Variants in PPFIBP1 observed in about 807,000 individuals in gnomAD.
PPFIBP1 encodes the protein liprin-beta-1.
In PPFIBP1, 112 loss-of-function variants were observed where a neutral mutation model predicts 137.8. The ratio of observed to expected loss-of-function variants is 0.81; its 90% CI spans 0.70 to 0.95. The LOEUF is 0.95. PPFIBP1 is among the 40% of genes least tolerant of loss of function. The pLI is 0.00. For missense variants in PPFIBP1, 1,083 were observed against 1,196.6 expected (o/e 0.91, Z 1.40); for synonymous variants, 378 against 417.3 (o/e 0.91, Z 1.15).
At chr12:27,563,868 C>CCT (rs2049394734) in intron 1 of PPFIBP1, among the ~76,000 whole-genome samples, 1 of 129,424 alleles carries the variant, frequency 7.7e-6, no homozygotes, top group Admixed American at 7.8e-5. Context: ...TAAACACTTC[C>CCT]CTTTTTTTTT....
intron 2 of PPFIBP1, among the ~76,000 whole-genome samples, chr12:27,595,072 A>C (rs914479864): frequency 2.6e-5 from 4 of 152,216 alleles, no homozygotes; most frequent in Non-Finnish European, 4.4e-5. Flanking sequence ...TAATGGACCA[A>C]ACATCACAAA....
At chr12:27,670,043 T>G (rs1431442951) in intron 13 of PPFIBP1, among the ~76,000 whole-genome samples, 1 of 152,150 alleles carries the variant, frequency 6.6e-6, no homozygotes. Context: ...GGTGTGAGTC[T>G]TTATCAGGCA....
At chr12:27,620,146 C>G (rs2056194747) in intron 2 of PPFIBP1, among the ~76,000 whole-genome samples, 1 of 152,116 alleles carries the variant, frequency 6.6e-6, no homozygotes, top group African/African-American at 2.4e-5. Flanking sequence ...CTCTGTCACC[C>G]CTGCAGTGTG....
At position 27,646,140 on chromosome 12, in the gene PPFIBP1, GT is replaced by G; in HGVS notation, c.351del (p.Leu118PhefsTer3). 6.2e-7 allele frequency: 1 copy of G among 1,604,440 alleles called. No homozygotes were observed. Among genetic ancestry groups the G allele is most frequent in the Non-Finnish European group, 8.5e-7 (1 of 1,171,594 alleles). ...TTTAGAAAATGATAAAGAATCCCTC[GT>G]TCTTCAGGCAAGTGATTTTTAAATA... Reference protein sequence around the residue: ...ARLENDKESLVLQVSVLTDQV... With the variant: ...ARLENDKESLXLQVSVLTDQV... On this transcript the variant is annotated frameshift_variant, in exon 5 of 30. Coordinates refer to ENST00000228425, the MANE Select transcript of PPFIBP1 (RefSeq NM_003622.4). LOFTEE classifies it high-confidence loss of function.
intron 7 of PPFIBP1, among the ~76,000 whole-genome samples, chr12:27,653,543 C>T (rs531857269): frequency 1.5e-5 from 2 of 135,958 alleles, no homozygotes; most frequent in South Asian, 2.5e-4. Context: ...GCTGAGATGG[C>T]GGCACTGCAC....
At chr12:27,684,034 A>C (rs2061045944) in intron 24 of PPFIBP1, among the ~76,000 whole-genome samples, 2 of 151,290 alleles carry the variant, frequency 1.3e-5, no homozygotes, top group Admixed American at 6.6e-5. Context: ...TTATCCACCC[A>C]CCTTGGCCTC....
intron 1 of PPFIBP1, among the ~76,000 whole-genome samples, chr12:27,539,872 T>C (rs1430490583): frequency 6.6e-6 from 1 of 152,180 alleles, no homozygotes; most frequent in Non-Finnish European, 1.5e-5. Flanking sequence ...TTCCTATATT[T>C]TTTCCATAGA....
At chr12:27,688,475 G>C in intron 26 of PPFIBP1, 52 bp downstream of exon 26, 1 of 1,594,654 alleles carries the variant, frequency 6.3e-7, no homozygotes. Flanking sequence ...CTTTAGTCTA[G>C]TCAGTAGGAT....
intron 8 of PPFIBP1, chr12:27,655,251 G>C (rs2059124873): frequency 6.8e-7 from 1 of 1,474,372 alleles, no homozygotes; most frequent in Non-Finnish European, 9.2e-7. Context: ...GTAGACGTTG[G>C]GTGATGGGGT....
rs563335932 is a variant in PPFIBP1 at position 27,600,473 on chromosome 12, A to G, written c.-36+22234A>G. 5.3e-5 allele frequency among the ~76,000 whole-genome samples: 8 copies of G among 152,196 alleles called. No homozygotes were observed. The East Asian group carries it at 1.4e-3, about 26-fold the overall frequency. Reference sequence around the variant, plus strand: ...AAAATAGTTAGAAGAATACATTAACATACAGAAAATGATATGACAAACGCC... The same window carrying G: ...AAAATAGTTAGAAGAATACATTAACGTACAGAAAATGATATGACAAACGCC... On this transcript the variant is annotated intron_variant, in intron 2 of 29. Coordinates refer to ENST00000228425, the MANE Select transcript of PPFIBP1 (RefSeq NM_003622.4).
At chr12:27,662,176 A>G (rs1345648618) in intron 11 of PPFIBP1, among the ~76,000 whole-genome samples, 2 of 152,180 alleles carry the variant, frequency 1.3e-5, no homozygotes, top group African/African-American at 4.8e-5. Flanking sequence ...AGAGTTGTTC[A>G]TCAGGAAAAT....
At chr12:27,685,592 A>G (rs1425969276) in intron 24 of PPFIBP1, among the ~76,000 whole-genome samples, 1 of 152,164 alleles carries the variant, frequency 6.6e-6, no homozygotes, top group Non-Finnish European at 1.5e-5. Context: ...TGAAATGGCT[A>G]TAAAAGAGTA....
At chr12:27,535,899 G>A (rs575982119) in intron 1 of PPFIBP1, among the ~76,000 whole-genome samples, 1 of 152,216 alleles carries the variant, frequency 6.6e-6, no homozygotes, top group Admixed American at 6.5e-5. Context: ...AAGACTGAAA[G>A]GAGAAGCAAC....
chr12:27,573,470 A>G (rs1185989507), intron 1 of PPFIBP1, among the ~76,000 whole-genome samples: 2 of 152,170 alleles, frequency 1.3e-5, no homozygotes, highest in African/African-American at 2.4e-5. Flanking sequence ...GGTCTTTAAC[A>G]AAGGGTACAG....
intron 2 of PPFIBP1, among the ~76,000 whole-genome samples, chr12:27,616,039 G>A (rs1350922130): frequency 6.6e-6 from 1 of 152,098 alleles, no homozygotes; most frequent in Non-Finnish European, 1.5e-5. Flanking sequence ...AATCGCTTGG[G>A]TACTTACTAA....
chr12:27,643,950 T>C (rs1468999750), intron 4 of PPFIBP1, among the ~76,000 whole-genome samples: 6 of 146,608 alleles, frequency 4.1e-5, no homozygotes, highest in Non-Finnish European at 9.0e-5. Context: ...CAGTATCTGT[T>C]TCTATTTGGG....
At chr12:27,582,340 A>G (rs1432289673) in intron 2 of PPFIBP1, among the ~76,000 whole-genome samples, 1 of 152,182 alleles carries the variant, frequency 6.6e-6, no homozygotes, top group African/African-American at 2.4e-5. Flanking sequence ...TTAAATATAT[A>G]GCCTCAACAG....
intron 1 of PPFIBP1, among the ~76,000 whole-genome samples, chr12:27,549,687 A>C (rs1044337421): frequency 3.4e-5 from 3 of 88,084 alleles, no homozygotes; most frequent in Non-Finnish European, 8.2e-5. Flanking sequence ...GGAAAAGATA[A>C]AATAAAAAAC....
In PPFIBP1 at chr12:27,676,585, G is replaced by A; in HGVS notation, c.1568G>A (p.Ser523Asn). 6.3e-7 allele frequency: 1 copy of A among 1,586,356 alleles called. No individual in the cohort carries two copies. Among genetic ancestry groups the A allele is most frequent in the East Asian group, 2.3e-5 (1 of 44,324 alleles). Residue 523 changes from serine (S) to asparagine (N), a missense_variant, in exon 18 of 30, where the codon AGT becomes AAT. Physicochemically the swap from Ser to Asn is conservative, Grantham distance 46. Coordinates refer to ENST00000228425, the MANE Select transcript of PPFIBP1 (RefSeq NM_003622.4). ...ATCAAAAGTAACAAGAGAACAGCAA[G>A]TGCACCAAACTTAGGTACGTATGAC... ...FKIKSNKRTA[S>N]APNLDRKRSA... is the part of the protein sequence containing the mutation.
Sources: allele counts gnomAD v4.1 joint callset (sites outside exome capture counted in the v4.1 genomes callset), GRCh38; gene constraint gnomAD v4.1.1; transcripts MANE v1.5; gene names NCBI Gene and HGNC (gene_info 2026-07-23, HGNC 2026-07-21).